The following POLK variants were observed in gnomAD, a reference collection of about 807,000 sequenced individuals.
POLK encodes the protein DNA polymerase kappa.
Under a neutral mutation model 94.0 loss-of-function variants are expected in POLK, and 76 were observed. That is an observed-to-expected ratio of 0.81 (90% CI 0.67 to 0.98). POLK has a LOEUF of 0.98. Ranked by LOEUF, POLK falls within the 50% of genes least tolerant of loss-of-function variation. The probability of loss-of-function intolerance (pLI) is 0.00; values close to 1 mark genes in which losing one functional copy is unlikely to be tolerated. For synonymous variants in POLK, 349 were observed against 325.4 expected, an observed-to-expected ratio of 1.07 and a Z score of -0.78; for missense variants, 954 against 1,010.1, an observed-to-expected ratio of 0.94 and a Z score of 0.75.
chr5:75,588,816 T>C (rs910870630), intron 10 of POLK, among the ~76,000 whole-genome samples: 13 of 152,224 alleles, frequency 8.5e-5, no homozygotes, highest in Non-Finnish European at 1.6e-4. Context: ...TCTCTGACTC[T>C]AACCCTCCTG....
intron 3 of POLK, among the ~76,000 whole-genome samples, chr5:75,563,445 A>G (rs1291190148): frequency 6.6e-6 from 1 of 150,578 alleles, no homozygotes; most frequent in Non-Finnish European, 1.5e-5. Context: ...CTAGCTGTTG[A>G]ATTTGTTTGC....
chr5:75,547,936 C>A (rs1478992325), intron 2 of POLK, among the ~76,000 whole-genome samples: 2 of 151,796 alleles, frequency 1.3e-5, no homozygotes, highest in African/African-American at 4.8e-5. Flanking sequence ...CATATCTTTT[C>A]TTTTTTTTGA....
intron 6 of POLK, 86 bp downstream of exon 6, chr5:75,577,019 A>G: frequency 1.3e-6 from 1 of 771,604 alleles, no homozygotes; most frequent in South Asian, 2.8e-5. Context: ...TTAATTTATT[A>G]GCCTGCATAG....
At position 75,511,926 on chromosome 5, in the gene POLK, G is replaced by T. The variant is rs1768037794; in HGVS notation, c.-14+12G>T. 8.7e-7 allele frequency: 1 copy of T among 1,146,034 alleles called. No homozygotes were observed. Among genetic ancestry groups the T allele is most frequent in the Non-Finnish European group, 1.2e-6 (1 of 812,822 alleles). 71.0% of individuals were successfully genotyped at this position (1,146,034 alleles called of 1,614,324 possible). ...TCCTGAGGTAACGGGTGAGTATCCC[G>T]CGCGGGGATCGCTTGTCCCCTTGGG... On this transcript the variant is annotated intron_variant, in intron 1 of 14. Transcript: ENST00000241436.
At chr5:75,533,816 T>C (rs981216824) in intron 1 of POLK, among the ~76,000 whole-genome samples, 27 of 152,234 alleles carry the variant, frequency 1.8e-4, no homozygotes, top group African/African-American at 6.5e-4. Context: ...TCCCTTTCAA[T>C]ACCTAGTTAG....
exon 7 of POLK, chr5:75,581,252 A>G: frequency 6.2e-7 from 1 of 1,607,770 alleles, no homozygotes; most frequent in Non-Finnish European, 8.5e-7. Context: ...AGCATGAACG[A>G]TCCATCTCTC....
downstream of POLK, among the ~76,000 whole-genome samples, chr5:75,602,123 A>G (rs576933972): frequency 6.6e-6 from 1 of 152,332 alleles, no homozygotes; most frequent in South Asian, 2.1e-4. Context: ...AATGTGTGAC[A>G]GCATGTGCAA....
chr5:75,571,239 CT>C (rs1171234621), intron 4 of POLK, among the ~76,000 whole-genome samples: 2 of 152,014 alleles, frequency 1.3e-5, no homozygotes, highest in African/African-American at 2.4e-5. Context: ...ACTTTTTGTC[CT>C]ATTAAACATA....
intron 13 of POLK, 62 bp from the exon 14 acceptor site, chr5:75,597,685 A>T: frequency 1.0e-6 from 1 of 962,112 alleles, no homozygotes; most frequent in Admixed American, 2.7e-5. Flanking sequence ...AAATTTGTAT[A>T]CAACTTTTTA....
At chr5:75,577,557 A>G (rs1464434460) in intron 6 of POLK, among the ~76,000 whole-genome samples, 1 of 152,152 alleles carries the variant, frequency 6.6e-6, no homozygotes, top group Non-Finnish European at 1.5e-5. Context: ...ATTTTGTCAA[A>G]GGTATGATTA....
intron 11 of POLK, among the ~76,000 whole-genome samples, chr5:75,593,174 C>G (rs954698378): frequency 6.6e-6 from 1 of 152,078 alleles, no homozygotes; most frequent in Non-Finnish European, 1.5e-5. Flanking sequence ...CCCTGTCACA[C>G]AGGCTGGAGT....
chr5:75,596,285 GC>G lies in POLK; in HGVS notation c.1593del (p.Leu533TyrfsTer15). The G allele has an allele frequency of 1.2e-6, 2 of 1,613,598 alleles. No homozygotes were observed. Among genetic ancestry groups the G allele is most frequent in the Non-Finnish European group, 1.7e-6 (2 of 1,179,632 alleles). ...AAACACCAACAAAGGAGCATTATTG[GC>G]TTTTTACAGGCTGGAAACCAAGCCC... On this transcript the variant is annotated frameshift_variant, in exon 13 of 15. Transcript: ENST00000241436. LOFTEE classifies it high-confidence loss of function.
intron 7 of POLK, 98 bp from the exon 8 acceptor site, chr5:75,583,195 A>AT (rs2112828774): frequency 2.5e-6 from 2 of 789,942 alleles, no homozygotes; most frequent in East Asian, 2.7e-5. Context: ...ATCATTTGAG[A>AT]TTTTTTGCAA....
At chr5:75,597,683 A>G (rs1030495769) in intron 13 of POLK, 64 bp from the exon 14 acceptor site, 37 of 942,068 alleles carry the variant, frequency 3.9e-5, no homozygotes, top group Non-Finnish European at 5.1e-5. Context: ...TTAAATTTGT[A>G]TACAACTTTT....
At chr5:75,513,815 C>T (rs1286558003) in intron 1 of POLK, among the ~76,000 whole-genome samples, 4 of 152,098 alleles carry the variant, frequency 2.6e-5, no homozygotes, top group Admixed American at 1.3e-4. Context: ...GGCATGTACA[C>T]ATGTTCTTTC....
chr5:75,511,716 A>T, upstream of POLK: 1 of 1,544,476 alleles, frequency 6.5e-7, no homozygotes, highest in Middle Eastern at 1.9e-4. Context: ...CCGGCGTCTG[A>T]CGCGACACGC....
At chr5:75,521,708 A>T (rs1190040401) in intron 1 of POLK, among the ~76,000 whole-genome samples, 1 of 151,452 alleles carries the variant, frequency 6.6e-6, no homozygotes, top group Non-Finnish European at 1.5e-5. Flanking sequence ...TTCTCTGACT[A>T]GTTTGGTTTT....
At chr5:75,523,659 T>G (rs563473670) in intron 1 of POLK, among the ~76,000 whole-genome samples, 31 of 152,216 alleles carry the variant, frequency 2.0e-4, no homozygotes, top group Non-Finnish European at 4.3e-4. Context: ...TTGTAGGTTA[T>G]ATTCTTGAAA....
intron 2 of POLK, among the ~76,000 whole-genome samples, chr5:75,549,292 A>G (rs1015830043): frequency 1.3e-5 from 2 of 152,104 alleles, no homozygotes; most frequent in Non-Finnish European, 2.9e-5. Flanking sequence ...GTGACCCAGT[A>G]CAATTTATTA....
Sources: gnomAD v4.1 joint callset for allele counts (sites outside exome capture counted in the v4.1 genomes callset) on GRCh38, gnomAD v4.1.1 for gene constraint, MANE v1.5 for transcripts, NCBI Gene and HGNC (gene_info 2026-07-23, HGNC 2026-07-21) for gene names.